The following VIPAS39 variants were observed in gnomAD, a reference collection of about 807,000 sequenced individuals.
VIPAS39 encodes VPS33B interacting protein, apical-basolateral polarity regulator, spe-39 homolog, also known as spermatogenesis-defective protein 39 homolog.
In VIPAS39, 63 loss-of-function variants were observed where a neutral mutation model predicts 84.7. The observed-to-expected ratio is 0.74, with a 90% CI of 0.61 to 0.92. VIPAS39 has a LOEUF of 0.92. Among genes scored for constraint, VIPAS39 ranks in the 40% least tolerant of loss-of-function variants. The pLI, the probability that VIPAS39 is intolerant of heterozygous loss-of-function variation, is 0.00. For missense variants in VIPAS39, 499 were observed against 604.5 expected, an observed-to-expected ratio of 0.83 and a Z score of 1.83; for synonymous variants, 192 against 216.5, an observed-to-expected ratio of 0.89 and a Z score of 0.99.
chr14:77,437,949 G>A, intron 11 of VIPAS39, 68 bp from the exon 12 acceptor site: 1 of 1,502,958 alleles, frequency 6.7e-7, no homozygotes, highest in South Asian at 1.1e-5. Context: ...CTGATTAACT[G>A]AACTTCCCAT....
chr14:77,441,753 T>C (rs1382125821), intron 10 of VIPAS39, among the ~76,000 whole-genome samples: 1 of 152,198 alleles, frequency 6.6e-6, no homozygotes, highest in South Asian at 2.1e-4. Flanking sequence ...GGGGAGCTCA[T>C]TGCTGTGCTG....
chr14:77,451,396 T>G, intron 3 of VIPAS39, 63 bp from the exon 4 acceptor site: 1 of 1,612,740 alleles, frequency 6.2e-7, no homozygotes, highest in Non-Finnish European at 8.5e-7. Context: ...ACATCCAACA[T>G]TCAATAAACT....
chr14:77,428,453 G>C lies in VIPAS39; in HGVS notation c.1378C>G (p.Arg460Gly). Residue 460 changes from arginine (R) to glycine (G), a missense_variant, in exon 19 of 20, where the codon CGT (arginine) becomes GGT (glycine). Coordinates refer to ENST00000557658, the MANE Select transcript of VIPAS39 (RefSeq NM_001193315.2). ...CTCCTGTATGCTAGCAACTGTTGAC[G>C]ATCCTTCAGGTCCCGGTAGGTCTGT... ...VIDTYRDLKD[R>G]QQLLAYRSKV... 1 of 1,613,864 alleles carries C rather than the reference G, an allele frequency of 6.2e-7. No individual in the cohort carries two copies. The highest frequency in any genetic ancestry group is 1.1e-5 in the South Asian group (1 of 91,058).
At position 77,435,855 on chromosome 14, in the gene VIPAS39, T is replaced by C. The variant is rs2078602586; in HGVS notation, c.901A>G (p.Ile301Val). 6.2e-7 allele frequency: 1 copy of C among 1,614,146 alleles called. No individual in the cohort carries two copies. Among genetic ancestry groups the C allele is most frequent in the Non-Finnish European group, 8.5e-7 (1 of 1,180,020 alleles). Reference sequence around the variant, plus strand: ...ATGAAGAGTCTAACCTCAATAATGATCTGACGTTCCAGGAGCGTGTAATGG... The same window carrying C: ...ATGAAGAGTCTAACCTCAATAATGACCTGACGTTCCAGGAGCGTGTAATGG... Reference protein sequence around the residue: ...QDHYTLLERQIIIEANDRHLE... With the variant: ...QDHYTLLERQVIIEANDRHLE... The change falls in exon 13 of 20, where the codon ATC becomes GTC. Residue 301 changes from isoleucine (I) to valine (V), a missense_variant. Ile to Val is a conservative substitution (Grantham distance 29). Coordinates refer to ENST00000557658, the MANE Select transcript of VIPAS39 (RefSeq NM_001193315.2).
Position 77,448,438 on chromosome 14 carries a change from G to A in VIPAS39, c.504+56C>T, listed in dbSNP as rs2078830754. On this transcript the variant is annotated intron_variant, in intron 7 of 19. Coordinates refer to ENST00000557658, the MANE Select transcript of VIPAS39 (RefSeq NM_001193315.2). The stretch of plus-strand genomic sequence containing the variant: ...GAAGAGAGGTCAAGAAATCTTCCCT[G>A]TGTGAACAAGCTGCCCAGCTTCCCA... 2.6e-6 allele frequency: 4 copies of A among 1,521,282 alleles called. No homozygotes were observed. The South Asian group carries it at 3.4e-5, about 13-fold the overall frequency. 94.2% of individuals were successfully genotyped at this position (1,521,282 alleles called of 1,614,324 possible).
At chr14:77,438,518 C>A (rs1364443830) in intron 11 of VIPAS39, among the ~76,000 whole-genome samples, 1 of 152,232 alleles carries the variant, frequency 6.6e-6, no homozygotes, top group Non-Finnish European at 1.5e-5. Context: ...CGTGAGCCAC[C>A]ACGCCCGGCC....
intron 8 of VIPAS39, 93 bp downstream of exon 8, chr14:77,444,156 A>C: frequency 7.8e-7 from 1 of 1,286,588 alleles, no homozygotes; most frequent in African/African-American, 1.5e-5. Flanking sequence ...TCTTTACTTA[A>C]CATTTAACAC....
chr14:77,443,351 G>C (rs1008080832), intron 8 of VIPAS39, among the ~76,000 whole-genome samples, 199 bp from the exon 9 acceptor site: 1 of 152,180 alleles, frequency 6.6e-6, no homozygotes, highest in Non-Finnish European at 1.5e-5. Context: ...CCATGCTGCT[G>C]AGAGACACCT....
intron 1 of VIPAS39, among the ~76,000 whole-genome samples, chr14:77,455,706 T>C (rs17105811): frequency 0.022 from 3,279 of 152,328 alleles, 87 homozygotes; most frequent in African/African-American, 0.064. Context: ...GGTAGTCCTG[T>C]TGAGGCTTTT....
At chr14:77,453,828 AAT>A (rs1320028719) in intron 2 of VIPAS39, among the ~76,000 whole-genome samples, 180 bp downstream of exon 2, 1 of 152,244 alleles carries the variant, frequency 6.6e-6, no homozygotes, top group Non-Finnish European at 1.5e-5. Context: ...AACCTGTAGG[AAT>A]AAATCATCTT....
chr14:77,448,627 C>T, intron 6 of VIPAS39, 77 bp from the exon 7 acceptor site: 1 of 1,476,818 alleles, frequency 6.8e-7, no homozygotes, highest in Non-Finnish European at 9.4e-7. Flanking sequence ...TCAACTCAAA[C>T]TCAGTCTTAG....
chr14:77,449,660 T>C, intron 5 of VIPAS39, 54 bp downstream of exon 5: 2 of 1,608,546 alleles, frequency 1.2e-6, no homozygotes, highest in Non-Finnish European at 1.7e-6. Context: ...CTCCCCAGAC[T>C]GTACCAGATC....
At chr14:77,448,253 C>T (rs990094051) in intron 7 of VIPAS39, among the ~76,000 whole-genome samples, 3 of 152,180 alleles carry the variant, frequency 2.0e-5, no homozygotes, top group African/African-American at 7.2e-5. Context: ...CACCCCTGGC[C>T]CTGGCCTCTC....
At chr14:77,437,450 CTTT>C (rs772815776) in intron 12 of VIPAS39, among the ~76,000 whole-genome samples, 5 of 152,042 alleles carry the variant, frequency 3.3e-5, no homozygotes, top group Admixed American at 6.6e-5. Context: ...GTATTGCTAT[CTTT>C]TTATTACCTA....
chr14:77,457,465 C>A (rs2078979743), intron 1 of VIPAS39, 30 bp downstream of exon 1: 2 of 1,472,652 alleles, frequency 1.4e-6, no homozygotes, highest in African/African-American at 2.8e-5. Context: ...CAGCCAGATA[C>A]GCGACCCAAG....
At position 77,451,295 on chromosome 14, in the gene VIPAS39, C is replaced by T. The variant is rs752936456; in HGVS notation, c.235G>A (p.Gly79Ser). ...WSIRETAGNS[G>S]STHEGREQLK... ...TGTTCACGCCCCTCGTGGGTTGAGC[C>T]GCTATTACCAGCAGTCTCTCTGATG... Residue 79 changes from glycine to serine, a missense_variant, in exon 4 of 20, where the codon GGC (glycine) becomes AGC (serine). Transcript: ENST00000557658. 2.1e-5 allele frequency: 34 copies of T among 1,614,052 alleles called. No individual in the cohort carries two copies. The East Asian group carries it at 4.9e-4, about 23-fold the overall frequency.
At chr14:77,449,203 C>A in intron 6 of VIPAS39, 90 bp downstream of exon 6, 2 of 1,403,508 alleles carry the variant, frequency 1.4e-6, no homozygotes, top group Non-Finnish European at 2.0e-6. Context: ...AAAATATCTA[C>A]TCAAATAGTT....
intron 10 of VIPAS39, among the ~76,000 whole-genome samples, chr14:77,441,756 C>T (rs572409620): frequency 1.3e-5 from 2 of 152,198 alleles, no homozygotes; most frequent in Non-Finnish European, 2.9e-5. Context: ...GAGCTCATTG[C>T]TGTGCTGGAG....
intron 14 of VIPAS39, 141 bp from the exon 15 acceptor site, chr14:77,434,444 AG>A: frequency 2.4e-6 from 2 of 824,664 alleles, no homozygotes; most frequent in East Asian, 5.2e-5. Flanking sequence ...TTCAGGGAAA[AG>A]CTCCATTGGG....
Sources: gnomAD v4.1 joint callset for allele counts (sites outside exome capture counted in the v4.1 genomes callset) on GRCh38, gnomAD v4.1.1 for gene constraint, MANE v1.5 for transcripts, NCBI Gene and HGNC (gene_info 2026-07-23, HGNC 2026-07-21) for gene names.